Variants in INPP5F observed in about 807,000 individuals in gnomAD.
The protein encoded by INPP5F is inositol polyphosphate-5-phosphatase F.
INPP5F carries 97 observed loss-of-function variants against 137.2 expected under a neutral mutation model. That is an observed-to-expected ratio of 0.71 (90% CI 0.60 to 0.84). The LOEUF (loss-of-function observed/expected upper bound fraction) is 0.84. Among genes scored for constraint, INPP5F ranks in the 40% least tolerant of loss-of-function variants. The pLI, the probability that INPP5F is intolerant of heterozygous loss-of-function variation, is 0.00. For synonymous variants in INPP5F, 504 were observed against 476.9 expected (o/e 1.06, Z -0.74); for missense variants, 1,271 against 1,371.9 (o/e 0.93, Z 1.16).
chr10:119,792,298 A>G, intron 6 of INPP5F, 85 bp downstream of exon 6: 1 of 918,678 alleles, frequency 1.1e-6, no homozygotes, highest in East Asian at 2.5e-5. Flanking sequence ...TGTTAAGCAA[A>G]TGTTTTTTAA....
At chr10:119,774,836 C>T (rs2134167711) in intron 2 of INPP5F, among the ~76,000 whole-genome samples, 1 of 152,138 alleles carries the variant, frequency 6.6e-6, no homozygotes, top group South Asian at 2.1e-4. Context: ...ATTCCATTTC[C>T]TTACAATATG....
intron 8 of INPP5F, among the ~76,000 whole-genome samples, chr10:119,798,265 CTT>C (rs574206816): frequency 1.5e-3 from 230 of 152,048 alleles, no homozygotes; most frequent in African/African-American, 5.4e-3. Context: ...TTTTTATTCT[CTT>C]ATAAACTACG....
chr10:119,782,841 C>T (rs981637366), intron 3 of INPP5F, among the ~76,000 whole-genome samples: 3 of 152,146 alleles, frequency 2.0e-5, no homozygotes, highest in African/African-American at 7.2e-5. Context: ...GCAAAGCACA[C>T]ACTGCCCCAC....
intron 6 of INPP5F, among the ~76,000 whole-genome samples, chr10:119,796,311 T>C (rs1850380505): frequency 2.0e-5 from 3 of 152,158 alleles, no homozygotes; most frequent in African/African-American, 4.8e-5. Flanking sequence ...GAGTTGAGAA[T>C]CATAATCATA....
chr10:119,774,451 T>C (rs983201675), intron 2 of INPP5F, among the ~76,000 whole-genome samples: 1 of 151,966 alleles, frequency 6.6e-6, no homozygotes, highest in African/African-American at 2.4e-5. Flanking sequence ...GTGCTTTTCA[T>C]GTAGATATTA....
intron 6 of INPP5F, among the ~76,000 whole-genome samples, chr10:119,796,071 A>AGAGGGAGAGGGG (rs1285792585): frequency 8.3e-4 from 35 of 42,424 alleles, no homozygotes; most frequent in African/African-American, 3.1e-3. Context: ...GACCGTGGGG[A>AGAGGGAGAGGGG]GAGGGAGAGG....
At chr10:119,794,236 C>T (rs12784999) in intron 6 of INPP5F, among the ~76,000 whole-genome samples, 50,988 of 151,474 alleles carry the variant, frequency 0.34, 8,996 homozygotes, top group South Asian at 0.42. Context: ...GAGCATGCTG[C>T]CTTCAAGCAT....
At chr10:119,762,922 A>G (rs1490394286) in intron 2 of INPP5F, among the ~76,000 whole-genome samples, 1 of 152,190 alleles carries the variant, frequency 6.6e-6, no homozygotes, top group East Asian at 1.9e-4. Flanking sequence ...TTCCACCATC[A>G]ACTCTTAAAG....
At chr10:119,764,015 C>A (rs376561280) in intron 2 of INPP5F, among the ~76,000 whole-genome samples, 1 of 152,170 alleles carries the variant, frequency 6.6e-6, no homozygotes, top group African/African-American at 2.4e-5. Context: ...ATGCTCTTCA[C>A]GGTTCATGTT....
chr10:119,775,138 C>T (rs901245750), intron 2 of INPP5F, among the ~76,000 whole-genome samples: 2 of 152,060 alleles, frequency 1.3e-5, no homozygotes, highest in Non-Finnish European at 2.9e-5. Flanking sequence ...CTCAGATTCT[C>T]TTTAGGTTTC....
At chr10:119,727,746 G>A (rs149747205) in intron 1 of INPP5F, among the ~76,000 whole-genome samples, 2 of 152,184 alleles carry the variant, frequency 1.3e-5, no homozygotes, top group Admixed American at 1.3e-4. Context: ...TGATGATCTC[G>A]GGATAGAGTT....
rs373136790 is a variant in INPP5F at position 119,726,094 on chromosome 10, C to T, written c.-169C>T. ...CGCTGCCGCCGCCGCTGCCGGGGCGCGTTCTCCTCCTACCGGTCGGGTGCC... is the reference window on the plus strand; with the variant it reads ...CGCTGCCGCCGCCGCTGCCGGGGCGTGTTCTCCTCCTACCGGTCGGGTGCC... On this transcript the variant is annotated 5_prime_UTR_variant, in exon 1 of 20. Coordinates refer to ENST00000650623, the MANE Select transcript of INPP5F (RefSeq NM_014937.4). The T allele has an allele frequency of 5.3e-6, 2 of 379,196 alleles. No homozygotes were observed. The highest frequency in any genetic ancestry group is 7.3e-5 in the South Asian group (1 of 13,708). 23.5% of individuals were successfully genotyped at this position (379,196 alleles called of 1,614,324 possible). A position where few individuals can be genotyped will look rare whatever the true frequency, so the allele number is the denominator to read the frequency against.
chr10:119,761,474 A>G (rs141399823), intron 2 of INPP5F, among the ~76,000 whole-genome samples: 45 of 152,300 alleles, frequency 3.0e-4, no homozygotes, highest in African/African-American at 9.9e-4. Context: ...TGGTGGTAGC[A>G]TTACTTGTTT....
chr10:119,746,692 A>G (rs1486046180), intron 1 of INPP5F, among the ~76,000 whole-genome samples: 2 of 152,368 alleles, frequency 1.3e-5, no homozygotes, highest in East Asian at 3.8e-4. Context: ...TTAATGTGAA[A>G]GGAACTTGTA....
At chr10:119,774,948 C>T (rs572189948) in intron 2 of INPP5F, among the ~76,000 whole-genome samples, 6 of 151,742 alleles carry the variant, frequency 4.0e-5, no homozygotes, top group Admixed American at 2.6e-4. Flanking sequence ...AGTAAAGGCT[C>T]GATGTTAGTT....
intron 1 of INPP5F, among the ~76,000 whole-genome samples, chr10:119,727,726 A>G (rs1436201064): frequency 6.6e-6 from 1 of 152,218 alleles, no homozygotes; most frequent in East Asian, 1.9e-4. Context: ...CTTGGCCCAG[A>G]TAAAGTTCTT....
rs1850165531 is a variant in INPP5F, at chr10:119,792,047, C to T, written c.612+11C>T. 3 of 1,614,088 alleles carry T rather than the reference C, an allele frequency of 1.9e-6. No individual in the cohort carries two copies. The highest frequency in any genetic ancestry group is 1.6e-4 in the Middle Eastern group (1 of 6,084). ...CCCCTCTGGCAGAAGGTACCACTCA[C>T]AGCTCGTAGAGCAGGGTTTGCACTT... On this transcript the variant is annotated intron_variant, in intron 5 of 19. Coordinates refer to ENST00000650623, the MANE Select transcript of INPP5F (RefSeq NM_014937.4).
At chr10:119,772,820 C>T (rs1017421337) in intron 2 of INPP5F, among the ~76,000 whole-genome samples, 5 of 151,224 alleles carry the variant, frequency 3.3e-5, no homozygotes, top group South Asian at 2.1e-4. Context: ...CTTGGCTCAC[C>T]GCAACCTCCA....
At chr10:119,794,690 C>T (rs1167230975) in intron 6 of INPP5F, among the ~76,000 whole-genome samples, 4 of 141,154 alleles carry the variant, frequency 2.8e-5, no homozygotes, top group African/African-American at 7.9e-5. Context: ...GCTGGCCAGG[C>T]GGGGGGCTGA....
Sources: allele counts gnomAD v4.1 joint callset (sites outside exome capture counted in the v4.1 genomes callset), GRCh38; gene constraint gnomAD v4.1.1; transcripts MANE v1.5; gene names NCBI Gene and HGNC (gene_info 2026-07-23, HGNC 2026-07-21).